CEP112: variants seen among roughly 807,000 people sequenced by gnomAD.
CEP112 encodes the protein centrosomal protein of 112 kDa.
A neutral mutation model predicts 153.0 loss-of-function variants in CEP112; 127 were observed. The ratio of observed to expected loss-of-function variants is 0.83; its 90% confidence interval spans 0.72 to 0.96. The LOEUF (loss-of-function observed/expected upper bound fraction) is 0.96, where lower values mean the gene tolerates loss of function less well. Ranked by LOEUF, CEP112 falls within the 40% of genes least tolerant of loss-of-function variation. The probability of loss-of-function intolerance (pLI) is 0.00; values close to 1 mark genes in which losing one functional copy is unlikely to be tolerated. For missense variants in CEP112, 1,089 were observed against 1,101.2 expected (o/e 0.99, Z 0.16); for synonymous variants, 358 against 374.4 (o/e 0.96, Z 0.51).
chr17:65,669,381 T>C (rs1227943874), intron 24 of CEP112, among the ~76,000 whole-genome samples: 1 of 152,082 alleles, frequency 6.6e-6, no homozygotes, highest in African/African-American at 2.4e-5. Context: ...GGTATAAACG[T>C]AGGGTTGGAG....
chr17:65,970,694 T>G (rs1599200235), intron 17 of CEP112, among the ~76,000 whole-genome samples: 1 of 152,052 alleles, frequency 6.6e-6, no homozygotes, highest in Non-Finnish European at 1.5e-5. Context: ...CACACATGCA[T>G]ATTACATGCA....
chr17:65,740,867 C>T (rs1191340412), intron 23 of CEP112, among the ~76,000 whole-genome samples: 6 of 152,130 alleles, frequency 3.9e-5, no homozygotes, highest in African/African-American at 1.4e-4. Flanking sequence ...CCAAATCAAA[C>T]ACCTGTTGCA....
rs572308029 is a variant in CEP112 at position 66,056,120 on chromosome 17, T to C, written c.1075-2241A>G. ...TAGGACATAACAATGAGTTGATCCA[T>C]AGGAATTCTCAAGAAGAATTTTTAC... On this transcript the variant is annotated intron_variant, in intron 11 of 26. Coordinates refer to ENST00000535342, the MANE Select transcript of CEP112 (RefSeq NM_001199165.4). 7.2e-5 allele frequency among the ~76,000 whole-genome samples: 11 copies of C among 152,280 alleles called. No individual in the cohort carries two copies. The South Asian group carries it at 1.4e-3, about 20-fold the overall frequency.
intron 12 of CEP112, among the ~76,000 whole-genome samples, chr17:66,038,388 T>C (rs1269639391): frequency 1.3e-5 from 2 of 151,554 alleles, no homozygotes; most frequent in African/African-American, 4.9e-5. Context: ...TGAACACTAA[T>C]GTTCTACACA....
At chr17:66,127,474 T>C (rs1598402577) in intron 6 of CEP112, among the ~76,000 whole-genome samples, 1 of 152,208 alleles carries the variant, frequency 6.6e-6, no homozygotes, top group South Asian at 2.1e-4. Flanking sequence ...TGATTTATTA[T>C]CCTCCTCTCA....
chr17:65,874,530 A>G (rs1426864877), intron 20 of CEP112, among the ~76,000 whole-genome samples: 1 of 152,138 alleles, frequency 6.6e-6, no homozygotes, highest in Non-Finnish European at 1.5e-5. Flanking sequence ...TTTCATCCAG[A>G]TGAAGGTACT....
chr17:65,784,196 G>A (rs935937248), intron 21 of CEP112, among the ~76,000 whole-genome samples: 2 of 152,126 alleles, frequency 1.3e-5, no homozygotes, highest in African/African-American at 4.8e-5. Flanking sequence ...AAATCCTGGA[G>A]GTGAACTAGG....
intron 8 of CEP112, among the ~76,000 whole-genome samples, chr17:66,089,677 G>A (rs1208123920): frequency 6.6e-6 from 1 of 152,078 alleles, no homozygotes; most frequent in Non-Finnish European, 1.5e-5. Context: ...AAAGTTTACA[G>A]GACGTATGGG....
intron 17 of CEP112, among the ~76,000 whole-genome samples, chr17:65,969,665 G>T (rs116174478): frequency 1.3e-5 from 2 of 152,152 alleles, no homozygotes; most frequent in African/African-American, 2.4e-5. Context: ...GTATAACACT[G>T]CATATTGCAT....
chr17:65,770,498 C>A (rs974219437), intron 21 of CEP112, among the ~76,000 whole-genome samples: 1 of 152,030 alleles, frequency 6.6e-6, no homozygotes, highest in African/African-American at 2.4e-5. Context: ...ATAAGTCGTT[C>A]AGGCAGATGG....
At chr17:65,767,776 G>A (rs2053080286) in intron 21 of CEP112, among the ~76,000 whole-genome samples, 2 of 151,886 alleles carry the variant, frequency 1.3e-5, no homozygotes, top group African/African-American at 4.8e-5. Context: ...ATCATCTAGG[G>A]TAAACAGATT....
intron 20 of CEP112, among the ~76,000 whole-genome samples, chr17:65,854,817 CT>C (rs1217616111): frequency 1.3e-5 from 2 of 152,016 alleles, no homozygotes; most frequent in African/African-American, 4.8e-5. Context: ...ACCTTTTGTT[CT>C]TTGTTTTATA....
intron 20 of CEP112, among the ~76,000 whole-genome samples, chr17:65,881,409 T>C (rs1308502952): frequency 6.6e-6 from 1 of 151,982 alleles, no homozygotes; most frequent in Non-Finnish European, 1.5e-5. Context: ...CAGGTGTGTG[T>C]GTGTGTGTGT....
chr17:66,109,803 C>A lies in CEP112; in HGVS notation c.643-13171G>T, dbSNP rs539413134. Among the ~76,000 whole-genome samples, 22 of 152,002 alleles carry A rather than the reference C, an allele frequency of 1.4e-4. No individual in the cohort carries two copies. In the East Asian group the frequency reaches 4.1e-3, roughly 28 times the overall value. ...AAAATGTATATAAACAAAAACAGGG[C>A]AAAAGTAGTCAAGACATGCCTGATG... On this transcript the variant is annotated intron_variant, in intron 6 of 26. Transcript: ENST00000535342.
At chr17:65,827,116 G>A (rs2056872286) in intron 21 of CEP112, among the ~76,000 whole-genome samples, 1 of 152,180 alleles carries the variant, frequency 6.6e-6, no homozygotes, top group Non-Finnish European at 1.5e-5. Flanking sequence ...TTAGAGTCTT[G>A]GACTTAAACC....
intron 20 of CEP112, among the ~76,000 whole-genome samples, chr17:65,859,140 A>G (rs919561555): frequency 9.2e-5 from 14 of 152,182 alleles, no homozygotes; most frequent in African/African-American, 3.1e-4. Flanking sequence ...TACTCCATCA[A>G]TGCATTAAAA....
intron 24 of CEP112, chr17:65,654,833 G>C (rs2045974981): frequency 2.4e-6 from 1 of 411,860 alleles, no homozygotes; most frequent in East Asian, 6.0e-5. Flanking sequence ...GTCTGAATTT[G>C]TTCATGAATC....
chr17:65,916,130 G>A (rs12948765), intron 19 of CEP112, among the ~76,000 whole-genome samples: 22,695 of 152,134 alleles, frequency 0.15, 2,221 homozygotes, highest in Admixed American at 0.27. Flanking sequence ...ATAACACCTT[G>A]TATAAAATAA....
At chr17:65,746,104 G>T (rs748375979) in intron 22 of CEP112, among the ~76,000 whole-genome samples, 5 of 136,626 alleles carry the variant, frequency 3.7e-5, no homozygotes, top group East Asian at 2.4e-4. Flanking sequence ...GGCGGAGGCC[G>T]CAGTGAGCCA....
Sources: gnomAD v4.1 joint callset for allele counts (sites outside exome capture counted in the v4.1 genomes callset) on GRCh38, gnomAD v4.1.1 for gene constraint, MANE v1.5 for transcripts, NCBI Gene and HGNC (gene_info 2026-07-23, HGNC 2026-07-21) for gene names.